Variants in ADAMTSL3 observed in about 807,000 individuals in gnomAD.
The protein encoded by ADAMTSL3 is ADAMTS-like protein 3.
ADAMTSL3 carries 128 observed loss-of-function variants against 201.7 expected under a neutral mutation model. The ratio of observed to expected loss-of-function variants is 0.63; its 90% CI spans 0.55 to 0.73. The LOEUF is 0.73. Ranked by LOEUF, ADAMTSL3 falls within the 30% of genes least tolerant of loss-of-function variation. The probability of loss-of-function intolerance (pLI) is 0.00; values close to 1 mark genes in which losing one functional copy is unlikely to be tolerated. For missense variants in ADAMTSL3, 1,990 were observed against 2,119.6 expected, an observed-to-expected ratio of 0.94 and a Z score of 1.20; for synonymous variants, 738 against 748.4, an observed-to-expected ratio of 0.99 and a Z score of 0.23.
intron 17 of ADAMTSL3, among the ~76,000 whole-genome samples, chr15:83,936,896 C>G (rs533504244): frequency 2.0e-5 from 3 of 150,848 alleles, no homozygotes; most frequent in Admixed American, 1.3e-4. Flanking sequence ...ATGTGGCCAA[C>G]AAGCATATGA....
chr15:83,830,766 C>G (rs1444672957), intron 6 of ADAMTSL3, among the ~76,000 whole-genome samples: 1 of 152,172 alleles, frequency 6.6e-6, no homozygotes, highest in East Asian at 1.9e-4. Context: ...GAGGGAGAAT[C>G]CATTCCTTGC....
At chr15:83,786,246 G>A (rs2063260709) in intron 4 of ADAMTSL3, among the ~76,000 whole-genome samples, 1 of 152,066 alleles carries the variant, frequency 6.6e-6, no homozygotes, top group Admixed American at 6.6e-5. Context: ...CAAAGTGTTG[G>A]GATTACAAGC....
intron 19 of ADAMTSL3, among the ~76,000 whole-genome samples, chr15:83,969,561 ACT>A (rs985711989): frequency 2.0e-4 from 30 of 152,224 alleles, no homozygotes; most frequent in African/African-American, 5.8e-4. Context: ...AATGTAGGAA[ACT>A]CTGCCATTTG....
At chr15:83,940,787 G>C (rs2066544380) in intron 17 of ADAMTSL3, among the ~76,000 whole-genome samples, 1 of 152,014 alleles carries the variant, frequency 6.6e-6, no homozygotes, top group African/African-American at 2.4e-5. Flanking sequence ...TTTGTGTTCA[G>C]ATTTTTTCTA....
chr15:83,959,929 A>G (rs2066931845), intron 19 of ADAMTSL3, among the ~76,000 whole-genome samples: 1 of 152,236 alleles, frequency 6.6e-6, no homozygotes, highest in Non-Finnish European at 1.5e-5. Context: ...AAAAAGTCAA[A>G]TATGTATCAT....
At chr15:84,009,605 A>C (rs1374479337) in intron 23 of ADAMTSL3, among the ~76,000 whole-genome samples, 1 of 152,192 alleles carries the variant, frequency 6.6e-6, no homozygotes, top group African/African-American at 2.4e-5. Flanking sequence ...TGTGATACGA[A>C]AATATCTGTG....
At chr15:83,704,172 G>A (rs1193878380) in intron 2 of ADAMTSL3, among the ~76,000 whole-genome samples, 1 of 152,192 alleles carries the variant, frequency 6.6e-6, no homozygotes, top group African/African-American at 2.4e-5. Context: ...TGCCATGGCT[G>A]CCAGTTTGAT....
In ADAMTSL3 at chr15:83,937,232, CACAATAGCAAAG is replaced by C. The variant is rs2066477173; in HGVS notation, c.2118-5360_2118-5349del. On this transcript the variant is annotated intron_variant, in intron 17 of 29. Coordinates refer to ENST00000286744, the MANE Select transcript of ADAMTSL3 (RefSeq NM_207517.3). The stretch of plus-strand genomic sequence containing the variant: ...CACGTATGTTCACCGCAGCACTATT[CACAATAGCAAAG>C]ACATGAAATCAATGTAAATACGCAT... 1.3e-5 allele frequency among the ~76,000 whole-genome samples: 2 copies of C among 150,892 alleles called. 1 individual carries two copies. The highest frequency in any genetic ancestry group is 5.0e-5 in the African/African-American group (2 of 40,260).
At chr15:83,990,463 A>G (rs1489631632) in intron 22 of ADAMTSL3, among the ~76,000 whole-genome samples, 1 of 152,212 alleles carries the variant, frequency 6.6e-6, no homozygotes, top group African/African-American at 2.4e-5. Context: ...GTACCCAGGT[A>G]TTTCTCATCT....
intron 2 of ADAMTSL3, among the ~76,000 whole-genome samples, chr15:83,684,524 T>C (rs2061512477): frequency 1.3e-5 from 2 of 151,990 alleles, no homozygotes; most frequent in South Asian, 4.2e-4. Context: ...TAGTTGTGCC[T>C]GTGAATAGCC....
At chr15:83,929,803 C>T (rs958615480) in intron 17 of ADAMTSL3, among the ~76,000 whole-genome samples, 2 of 151,792 alleles carry the variant, frequency 1.3e-5, no homozygotes, top group East Asian at 3.9e-4. Flanking sequence ...CACACACACA[C>T]TCAGACTCAC....
intron 2 of ADAMTSL3, among the ~76,000 whole-genome samples, chr15:83,667,787 A>T (rs2061269472): frequency 6.7e-6 from 1 of 150,078 alleles, no homozygotes; most frequent in Non-Finnish European, 1.5e-5. Flanking sequence ...CAAAAATTGG[A>T]TTGTCCATTT....
At chr15:83,897,807 T>C in intron 13 of ADAMTSL3, 51 bp from the exon 14 acceptor site, 1 of 1,530,256 alleles carries the variant, frequency 6.5e-7, no homozygotes, top group African/African-American at 1.4e-5. Flanking sequence ...AAATAATGCC[T>C]TTGTGGTTCT....
intron 20 of ADAMTSL3, among the ~76,000 whole-genome samples, chr15:83,971,902 T>A (rs2067203534): frequency 6.7e-6 from 1 of 148,426 alleles, no homozygotes; most frequent in African/African-American, 2.4e-5. Context: ...TTTATATATA[T>A]GTTTTATATA....
At chr15:83,718,931 A>G (rs545724732) in intron 3 of ADAMTSL3, among the ~76,000 whole-genome samples, 1 of 152,246 alleles carries the variant, frequency 6.6e-6, no homozygotes, top group East Asian at 1.9e-4. Flanking sequence ...ACCAAACAGT[A>G]GATGAGGAAA....
At chr15:83,870,433 T>C (rs1486439177) in intron 8 of ADAMTSL3, among the ~76,000 whole-genome samples, 1 of 152,236 alleles carries the variant, frequency 6.6e-6, no homozygotes, top group Non-Finnish European at 1.5e-5. Context: ...GTGATTTTTG[T>C]CTAAAAGAGT....
At position 83,942,788 on chromosome 15, in the gene ADAMTSL3, G is replaced by C. The variant is rs1400937704; in HGVS notation, c.2310G>C (p.Gln770His). ...GCTGGCACATTGAAGAATGGCAGCA[G>C]GTAGGGCAGACTGGCCACTCCAGGG... Reference protein sequence around the residue: ...PPGWHIEEWQQCSRTCGGGTQ... With the variant: ...PPGWHIEEWQHCSRTCGGGTQ... Residue 770 changes from glutamine to histidine, a missense_variant and splice_region_variant, in exon 18 of 30, where the codon CAG (glutamine) becomes CAC (histidine). Coordinates refer to ENST00000286744, the MANE Select transcript of ADAMTSL3 (RefSeq NM_207517.3). 2 of 1,612,484 alleles carry C rather than the reference G, an allele frequency of 1.2e-6. No homozygotes were observed. The highest frequency in any genetic ancestry group is 1.7e-5 in the Admixed American group (1 of 59,834).
intron 3 of ADAMTSL3, among the ~76,000 whole-genome samples, chr15:83,763,561 A>G (rs1313308344): frequency 1.3e-5 from 2 of 151,028 alleles, no homozygotes; most frequent in African/African-American, 2.4e-5. Flanking sequence ...CAGGAGTGCA[A>G]TGGCACGATC....
At chr15:83,942,330 C>T (rs1441376810) in intron 17 of ADAMTSL3, among the ~76,000 whole-genome samples, 1 of 152,210 alleles carries the variant, frequency 6.6e-6, no homozygotes, top group African/African-American at 2.4e-5. Flanking sequence ...AGTGGTAGGA[C>T]AGGATGGGAA....
Sources: allele counts gnomAD v4.1 joint callset (sites outside exome capture counted in the v4.1 genomes callset), GRCh38; gene constraint gnomAD v4.1.1; transcripts MANE v1.5; gene names NCBI Gene and HGNC (gene_info 2026-07-23, HGNC 2026-07-21).